Variants in NEB observed in about 807,000 individuals in gnomAD.
NEB encodes nemaline myopathy type 2.
Under a neutral mutation model 952.2 loss-of-function variants are expected in NEB, and 512 were observed. That is an observed-to-expected ratio of 0.54 (90% CI 0.50 to 0.58). The LOEUF (loss-of-function observed/expected upper bound fraction) is 0.58, where lower values mean the gene tolerates loss of function less well. Ranked by LOEUF, NEB falls within the 20% of genes least tolerant of loss-of-function variation. The pLI is 0.00. For synonymous variants in NEB, 2,900 were observed against 3,149.8 expected, an observed-to-expected ratio of 0.92 and a Z score of 2.66; for missense variants, 8,428 against 9,231.1, an observed-to-expected ratio of 0.91 and a Z score of 3.56.
rs1217235799 is a variant in NEB, at chr2:151,497,028, T to G, written c.24306A>C (p.Leu8102Phe). The change falls in exon 172 of 182, where the codon TTA becomes TTC. Residue 8102 changes from leucine (L) to phenylalanine (F), a missense_variant. Coordinates refer to ENST00000397345, the MANE Select transcript of NEB (RefSeq NM_001164508.2). ...KHNQENISSV[L>F]YKENMGKGTP... ...TTCCCTTGCCCATGTTTTCTTTGTA[T>G]AACACCTGTGCGATAAGAAAGCAAC... The G allele has an allele frequency of 1.3e-6, 2 of 1,568,442 alleles. No individual in the cohort carries two copies. The highest frequency in any genetic ancestry group is 1.7e-6 in the Non-Finnish European group (2 of 1,154,790).
Position 151,723,758 on chromosome 2 carries a change from T to G in NEB, c.613-272A>C, listed in dbSNP as rs111332717. Among the ~76,000 whole-genome samples the G allele has an allele frequency of 3.0e-3, 446 of 148,046 alleles. 5 individuals carry two copies. The highest frequency in any genetic ancestry group is 0.01 in the African/African-American group (410 of 40,336). On this transcript the variant is annotated intron_variant, in intron 8 of 181. Transcript: ENST00000397345. Reference sequence around the variant, plus strand: ...CTCTACCTGCCTTCTTTGTTTTTTTTTTTTTTTTTTTTTTTTGGTCATTAT... The same window carrying G: ...CTCTACCTGCCTTCTTTGTTTTTTTGTTTTTTTTTTTTTTTTGGTCATTAT...
intron 119 of NEB, 53 bp from the exon 120 acceptor site, chr2:151,562,861 A>G (rs1021240546): frequency 5.4e-6 from 7 of 1,302,578 alleles, no homozygotes; most frequent in Admixed American, 2.0e-5. Flanking sequence ...TAAATTATTC[A>G]GATCAATGTC....
At chr2:151,496,712 C>G (rs577370516) in intron 172 of NEB, among the ~76,000 whole-genome samples, 2 of 151,946 alleles carry the variant, frequency 1.3e-5, no homozygotes, top group East Asian at 3.9e-4. Context: ...CGGAAAAACT[C>G]ATTTTTAAAA....
chr2:151,566,452 G>A (rs1238514971), intron 114 of NEB, among the ~76,000 whole-genome samples: 1 of 152,158 alleles, frequency 6.6e-6, no homozygotes, highest in Non-Finnish European at 1.5e-5. Flanking sequence ...CATCTATGCT[G>A]CAGCAGTCTT....
At chr2:151,507,520 GAC>G (rs1254575232) in intron 162 of NEB, among the ~76,000 whole-genome samples, 2 of 152,174 alleles carry the variant, frequency 1.3e-5, no homozygotes, top group Non-Finnish European at 2.9e-5. Context: ...AGGAGCCAAA[GAC>G]ACAGAGATAC....
intron 157 of NEB, 106 bp from the exon 158 acceptor site, chr2:151,515,034 T>G (rs117699521): frequency 1.5e-6 from 1 of 680,462 alleles, no homozygotes; most frequent in Non-Finnish European, 2.5e-6. Flanking sequence ...GTATGGGCTC[T>G]TAATCATAGT....
In NEB at chr2:151,627,557, A is replaced by G. The variant is rs2098549981; in HGVS notation, c.10109T>C (p.Ile3370Thr). ...GAGGTCATAGGCCTGCCGAGCATGG[A>G]TGACATCATTCTGGTCGGGCAGGCA... ...WTCLPDQNDV[I>T]HARQAYDLQS... The change falls in exon 69 of 182, where the codon ATC becomes ACC. Residue 3370 changes from isoleucine to threonine, a missense_variant. This residue lies in a region of NEB where 1,772 missense variants were observed against 1,960.3 expected (regional missense o/e 0.90). Coordinates refer to ENST00000397345, the MANE Select transcript of NEB (RefSeq NM_001164508.2). 1 of 1,614,008 alleles carries G rather than the reference A, an allele frequency of 6.2e-7. No individual in the cohort carries two copies. The highest frequency in any genetic ancestry group is 8.5e-7 in the Non-Finnish European group (1 of 1,179,880).
At chr2:151,663,367 T>C (rs1199311167) in intron 45 of NEB, among the ~76,000 whole-genome samples, 181 bp downstream of exon 45, 1 of 152,228 alleles carries the variant, frequency 6.6e-6, no homozygotes, top group East Asian at 1.9e-4. Context: ...AAGACTTTAG[T>C]TTCTAGAATT....
intron 8 of NEB, among the ~76,000 whole-genome samples, chr2:151,723,746 CTTTGTTTTTTTTTT>C (rs2099781768): frequency 3.6e-5 from 2 of 55,914 alleles, no homozygotes; most frequent in South Asian, 5.6e-4. Flanking sequence ...TACCTGCCTT[CTTTGTTTTTTTTTT>C]TTTTTTTTTT....
At chr2:151,675,468 C>T (rs2099352205) in intron 34 of NEB, 77 bp from the exon 35 acceptor site, 1 of 940,850 alleles carries the variant, frequency 1.1e-6, no homozygotes, top group Non-Finnish European at 1.6e-6. Context: ...ATTTTTAGCA[C>T]AATCACCCAT....
At chr2:151,492,036 A>G (rs2057022907) in intron 178 of NEB, 62 bp downstream of exon 178, 4 of 1,516,922 alleles carry the variant, frequency 2.6e-6, no homozygotes, top group South Asian at 2.3e-5. Flanking sequence ...AGGTAATGCT[A>G]CTTTTGTTCT....
At chr2:151,507,124 T>G in intron 162 of NEB, 111 bp from the exon 163 acceptor site, 1 of 683,770 alleles carries the variant, frequency 1.5e-6, no homozygotes, top group Non-Finnish European at 2.5e-6. Flanking sequence ...AAAAAAAGTC[T>G]ATGCACAATA....
At chr2:151,690,658 T>C in intron 24 of NEB, 69 bp downstream of exon 24, 2 of 1,139,278 alleles carry the variant, frequency 1.8e-6, no homozygotes, top group Non-Finnish European at 2.6e-6. Flanking sequence ...ATTAAGCATG[T>C]AAATGCTTAC....
At chr2:151,669,365 G>A (rs1218080628) in intron 38 of NEB, among the ~76,000 whole-genome samples, 1 of 152,164 alleles carries the variant, frequency 6.6e-6, no homozygotes, top group African/African-American at 2.4e-5. Context: ...GTTTAAAGAG[G>A]TGAGGAAGGC....
chr2:151,525,834 A>T, intron 150 of NEB, 124 bp downstream of exon 150: 1 of 801,744 alleles, frequency 1.2e-6, no homozygotes, highest in Non-Finnish European at 2.2e-6. Flanking sequence ...TAAGATTCAC[A>T]TGTAGATATT....
intron 20 of NEB, 145 bp downstream of exon 20, chr2:151,694,178 C>T: frequency 1.4e-6 from 1 of 736,224 alleles, no homozygotes; most frequent in South Asian, 1.9e-5. Context: ...AGTTCATCTT[C>T]CTTTAGCACC....
At chr2:151,663,244 T>C (rs1575511089) in intron 45 of NEB, among the ~76,000 whole-genome samples, 1 of 152,348 alleles carries the variant, frequency 6.6e-6, no homozygotes. Flanking sequence ...ATTATGCTTT[T>C]GACCATCTTT....
chr2:151,690,179 C>T (rs1357924482), intron 24 of NEB: 1 of 155,674 alleles, frequency 6.4e-6, no homozygotes, highest in African/African-American at 2.4e-5. Context: ...CTGTTTTCCC[C>T]CGATCTTGGC....
intron 78 of NEB, 49 bp downstream of exon 78, chr2:151,612,137 A>T (rs939074639): frequency 1.3e-6 from 2 of 1,575,104 alleles, no homozygotes; most frequent in African/African-American, 2.7e-5. Flanking sequence ...TTATGAGCCA[A>T]ATCTGTGGAA....
Sources: gnomAD v4.1 joint callset for allele counts (sites outside exome capture counted in the v4.1 genomes callset) on GRCh38, gnomAD v4.1.1 for gene constraint, gnomAD v4.1.1 regional missense constraint, MANE v1.5 for transcripts, NCBI Gene and HGNC (gene_info 2026-07-23, HGNC 2026-07-21) for gene names.